The following CACNA2D1 variants were observed in gnomAD, a reference collection of about 807,000 sequenced individuals.
CACNA2D1 encodes calcium voltage-gated channel auxiliary subunit alpha2delta 1, also known as voltage-dependent calcium channel subunit alpha-2/delta-1.
In CACNA2D1, 53 loss-of-function variants were observed where a neutral mutation model predicts 171.5. The ratio of observed to expected loss-of-function variants is 0.31; its 90% CI spans 0.25 to 0.39. The LOEUF (loss-of-function observed/expected upper bound fraction) is 0.39, where lower values mean the gene tolerates loss of function less well. Ranked by LOEUF, CACNA2D1 falls within the 10% of genes least tolerant of loss-of-function variation. The pLI, the probability that CACNA2D1 is intolerant of heterozygous loss-of-function variation, is 1.00. For synonymous variants in CACNA2D1, 442 were observed against 443.1 expected, an observed-to-expected ratio of 1.00 and a Z score of 0.03; for missense variants, 903 against 1,299.8, an observed-to-expected ratio of 0.69 and a Z score of 4.69.
At chr7:82,255,668 A>C (rs1402983399) in intron 3 of CACNA2D1, among the ~76,000 whole-genome samples, 2 of 152,208 alleles carry the variant, frequency 1.3e-5, no homozygotes, top group East Asian at 3.8e-4. Context: ...CATAAGAATT[A>C]ATGGGAACAA....
At chr7:82,421,557 GGAA>G (rs1413310476) in intron 1 of CACNA2D1, among the ~76,000 whole-genome samples, 1 of 152,142 alleles carries the variant, frequency 6.6e-6, no homozygotes, top group African/African-American at 2.4e-5. Context: ...GATCAATCAA[GGAA>G]GAGCGTTTGG....
chr7:81,977,900 A>G (rs1429570932), intron 24 of CACNA2D1, among the ~76,000 whole-genome samples: 1 of 151,292 alleles, frequency 6.6e-6, no homozygotes, highest in East Asian at 2.0e-4. Flanking sequence ...GAAAAAAACA[A>G]ACAACTCTAT....
chr7:82,026,554 G>A (rs1271981726), intron 12 of CACNA2D1, among the ~76,000 whole-genome samples: 2 of 151,822 alleles, frequency 1.3e-5, no homozygotes, highest in Admixed American at 6.6e-5. Context: ...GAAATGCTGA[G>A]TTGATAAACG....
chr7:82,194,340 T>C (rs1372348122), intron 3 of CACNA2D1, among the ~76,000 whole-genome samples: 4 of 152,002 alleles, frequency 2.6e-5, no homozygotes, highest in Non-Finnish European at 5.9e-5. Context: ...GACAAACTCC[T>C]GCATGTTCAT....
intron 3 of CACNA2D1, among the ~76,000 whole-genome samples, chr7:82,256,826 C>CA: frequency 6.6e-6 from 1 of 151,974 alleles, no homozygotes; most frequent in South Asian, 2.1e-4. Context: ...AAATATGAAG[C>CA]AAAAAAATTT....
At chr7:82,314,512 G>A (rs895201117) in intron 3 of CACNA2D1, among the ~76,000 whole-genome samples, 4 of 152,090 alleles carry the variant, frequency 2.6e-5, no homozygotes, top group Non-Finnish European at 5.9e-5. Context: ...ACAATATGTG[G>A]GAAGAATTGC....
chr7:82,182,334 A>G (rs909043079), intron 3 of CACNA2D1, among the ~76,000 whole-genome samples: 1 of 152,202 alleles, frequency 6.6e-6, no homozygotes. Context: ...AAAGGAAAAA[A>G]TATGGAAAGG....
chr7:82,386,562 G>A (rs9656526), intron 1 of CACNA2D1, among the ~76,000 whole-genome samples: 5,184 of 151,776 alleles, frequency 0.034, 317 homozygotes, highest in African/African-American at 0.12. Context: ...GAGAAACCCC[G>A]TCTCTACTAA....
chr7:82,201,348 C>T (rs1799410861), intron 3 of CACNA2D1, among the ~76,000 whole-genome samples: 1 of 152,182 alleles, frequency 6.6e-6, no homozygotes, highest in Admixed American at 6.6e-5. Flanking sequence ...GCTTTTGGTT[C>T]TCATGCATCT....
chr7:82,162,980 C>T (rs1396397400), intron 4 of CACNA2D1, among the ~76,000 whole-genome samples: 4 of 151,958 alleles, frequency 2.6e-5, no homozygotes, highest in Non-Finnish European at 1.5e-5. Flanking sequence ...TCAGGCCAGG[C>T]CTTCGAGTCC....
chr7:82,234,070 C>G (rs1211813106), intron 3 of CACNA2D1, among the ~76,000 whole-genome samples: 6 of 152,046 alleles, frequency 3.9e-5, no homozygotes. Flanking sequence ...TTCCTGATAG[C>G]AACTTCTTTA....
chr7:82,304,822 G>A (rs908934799), intron 3 of CACNA2D1, among the ~76,000 whole-genome samples: 1 of 152,100 alleles, frequency 6.6e-6, no homozygotes, highest in South Asian at 2.1e-4. Flanking sequence ...GGGGACAATA[G>A]TTAACAACAA....
chr7:82,436,115 G>A (rs528512753), intron 1 of CACNA2D1, among the ~76,000 whole-genome samples: 8 of 152,212 alleles, frequency 5.3e-5, no homozygotes, highest in Middle Eastern at 3.4e-3. Context: ...GTAGCTCAGC[G>A]CAGTACGTAA....
At chr7:82,164,905 T>C (rs1372407417) in intron 4 of CACNA2D1, among the ~76,000 whole-genome samples, 3 of 152,012 alleles carry the variant, frequency 2.0e-5, no homozygotes, top group African/African-American at 4.8e-5. Context: ...TTTAATAAAA[T>C]GTAGCTCAAG....
At chr7:82,180,475 G>C (rs1451768657) in intron 3 of CACNA2D1, among the ~76,000 whole-genome samples, 2 of 152,160 alleles carry the variant, frequency 1.3e-5, no homozygotes, top group African/African-American at 4.8e-5. Context: ...CTGTGAAATT[G>C]TGGTCGGCTA....
intron 29 of CACNA2D1, among the ~76,000 whole-genome samples, chr7:81,968,503 T>G (rs540989178): frequency 6.6e-6 from 1 of 151,546 alleles, no homozygotes; most frequent in East Asian, 1.9e-4. Context: ...GGCTGGAAAC[T>G]TAACTTTTTT....
intron 3 of CACNA2D1, among the ~76,000 whole-genome samples, chr7:82,260,808 A>C (rs925438678): frequency 2.0e-5 from 3 of 152,216 alleles, no homozygotes; most frequent in Admixed American, 6.5e-5. Flanking sequence ...TAGTTCCAAA[A>C]GGCATTATAA....
chr7:81,959,709 T>C lies in CACNA2D1; in HGVS notation c.3076+11A>G. 1 of 1,610,410 alleles carries C rather than the reference T, an allele frequency of 6.2e-7. No homozygotes were observed. The highest frequency in any genetic ancestry group is 1.3e-5 in the African/African-American group (1 of 74,950). On this transcript the variant is annotated intron_variant, in intron 37 of 38. Transcript: ENST00000356860. ...TTTTCCTTTCCAGATAGCTCTGATG[T>C]CAAAGGATACAAGTCTGCTCCGCTT... is the stretch of plus-strand genomic sequence containing the variant.
At chr7:82,232,820 C>T (rs1182703242) in intron 3 of CACNA2D1, among the ~76,000 whole-genome samples, 1 of 133,840 alleles carries the variant, frequency 7.5e-6, no homozygotes, top group Admixed American at 8.3e-5. Context: ...GCTGAGACCG[C>T]GCCATTGCAC....
Sources: allele counts gnomAD v4.1 joint callset (sites outside exome capture counted in the v4.1 genomes callset), GRCh38; gene constraint gnomAD v4.1.1; transcripts MANE v1.5; gene names NCBI Gene and HGNC (gene_info 2026-07-23, HGNC 2026-07-21).